The following RCAN2 variants were observed in gnomAD, a reference collection of about 807,000 sequenced individuals.
The protein encoded by RCAN2 is regulator of calcineurin 2.
In RCAN2, 9 loss-of-function variants were observed where a neutral mutation model predicts 23.6. The observed-to-expected ratio is 0.38, with a 90% CI of 0.23 to 0.67. The LOEUF (loss-of-function observed/expected upper bound fraction) is 0.67. RCAN2 is among the 30% of genes least tolerant of loss of function. The pLI is 0.51. For synonymous variants in RCAN2, 109 were observed against 115.7 expected, an observed-to-expected ratio of 0.94 and a Z score of 0.37; for missense variants, 273 against 302.3, an observed-to-expected ratio of 0.90 and a Z score of 0.72.
At chr6:46,389,337 A>G (rs1765860939) in intron 2 of RCAN2, among the ~76,000 whole-genome samples, 1 of 152,124 alleles carries the variant, frequency 6.6e-6, no homozygotes, top group African/African-American at 2.4e-5. Flanking sequence ...AGTTTTCTTT[A>G]CACTGTTTCC....
intron 2 of RCAN2, among the ~76,000 whole-genome samples, chr6:46,272,139 T>C (rs1276548538): frequency 7.2e-5 from 11 of 152,268 alleles, no homozygotes; most frequent in Admixed American, 7.2e-4. Flanking sequence ...CTCTGAAGCT[T>C]GTGCCCTTTT....
At chr6:46,228,536 CT>C (rs972909942) in intron 4 of RCAN2, among the ~76,000 whole-genome samples, 53 of 152,238 alleles carry the variant, frequency 3.5e-4, no homozygotes, top group African/African-American at 1.3e-3. Flanking sequence ...TAATGGCCTT[CT>C]TTGTATCTTT....
rs757253329 is a variant in RCAN2, at chr6:46,223,139, G to A, written c.*2C>T. 1 of 1,613,010 alleles carries A rather than the reference G, an allele frequency of 6.2e-7. No homozygotes were observed. ...GGCTATTATCGAGAAGGAGCAGGCA[G>A]CTCAGTTGGACACGGAGGGTGGCAG... On this transcript the variant is annotated 3_prime_UTR_variant, in exon 5 of 5. Coordinates refer to ENST00000371374, the MANE Select transcript of RCAN2 (RefSeq NM_001251974.2).
chr6:46,263,741 A>T (rs2584083), intron 2 of RCAN2, among the ~76,000 whole-genome samples: 2,021 of 151,834 alleles, frequency 0.013, 48 homozygotes, highest in African/African-American at 0.047. Flanking sequence ...CTAAAAAAAA[A>T]AAAAGGTATT....
At chr6:46,264,490 T>C (rs1767249535) in intron 2 of RCAN2, among the ~76,000 whole-genome samples, 1 of 152,234 alleles carries the variant, frequency 6.6e-6, no homozygotes, top group African/African-American at 2.4e-5. Flanking sequence ...CATCTCACCT[T>C]TTCTATTTGT....
chr6:46,229,571 A>G (rs984200904), intron 4 of RCAN2, among the ~76,000 whole-genome samples: 2 of 152,126 alleles, frequency 1.3e-5, no homozygotes, highest in African/African-American at 2.4e-5. Context: ...TGGCTACTGA[A>G]GCTTTTGTAT....
At chr6:46,319,376 C>A (rs948439110) in intron 2 of RCAN2, among the ~76,000 whole-genome samples, 10 of 152,100 alleles carry the variant, frequency 6.6e-5, no homozygotes, top group African/African-American at 2.4e-4. Flanking sequence ...AAATCTGTTT[C>A]TTTAGGAAAA....
chr6:46,430,626 G>A (rs1767169015), intron 2 of RCAN2, among the ~76,000 whole-genome samples: 1 of 152,212 alleles, frequency 6.6e-6, no homozygotes, highest in South Asian at 2.1e-4. Context: ...CCAATTTTAA[G>A]ATTTGCCTTC....
chr6:46,334,487 A>G (rs554411387), intron 2 of RCAN2, among the ~76,000 whole-genome samples: 3 of 152,238 alleles, frequency 2.0e-5, no homozygotes, highest in African/African-American at 7.2e-5. Context: ...CTAGGTCCCT[A>G]TAAAGGAGAG....
chr6:46,353,921 C>T (rs1441340411), intron 2 of RCAN2, among the ~76,000 whole-genome samples: 4 of 152,066 alleles, frequency 2.6e-5, no homozygotes, highest in Non-Finnish European at 5.9e-5. Flanking sequence ...CATTTTAAAA[C>T]CCATGGATTT....
intron 4 of RCAN2, among the ~76,000 whole-genome samples, chr6:46,241,506 C>T: frequency 6.6e-6 from 1 of 152,186 alleles, no homozygotes; most frequent in South Asian, 2.1e-4. Context: ...ATGAAATGTA[C>T]CGTAAAGAAT....
At chr6:46,452,495 A>T (rs956856906) in intron 2 of RCAN2, among the ~76,000 whole-genome samples, 1 of 152,220 alleles carries the variant, frequency 6.6e-6, no homozygotes, top group African/African-American at 2.4e-5. Flanking sequence ...ACTACTTGGC[A>T]CAATGCCAGT....
At chr6:46,270,586 A>G (rs1263680108) in intron 2 of RCAN2, among the ~76,000 whole-genome samples, 1 of 152,186 alleles carries the variant, frequency 6.6e-6, no homozygotes, top group African/African-American at 2.4e-5. Context: ...CCCTTATGCA[A>G]GCCCCTCCCT....
intron 2 of RCAN2, among the ~76,000 whole-genome samples, chr6:46,390,757 G>A (rs1360640919): frequency 5.9e-5 from 9 of 152,200 alleles, no homozygotes; most frequent in African/African-American, 1.9e-4. Flanking sequence ...GATTAAAGGT[G>A]AGTGATATTG....
chr6:46,261,034 A>G (rs1013556041), intron 2 of RCAN2, among the ~76,000 whole-genome samples: 1 of 152,166 alleles, frequency 6.6e-6, no homozygotes, highest in Non-Finnish European at 1.5e-5. Context: ...GCATTTCCTA[A>G]AAGCTGACAG....
Position 46,221,486 on chromosome 6 carries a change from T to TTTA in RCAN2, c.*1652_*1654dup, listed in dbSNP as rs1327879015. On this transcript the variant is annotated 3_prime_UTR_variant, in exon 5 of 5. Transcript: ENST00000371374. The stretch of plus-strand genomic sequence containing the variant: ...TATGCTTATTGTACACTCCTCAGAT[T>TTTA]TTATTTTTAAAAGGAGTTTTCATTT... 1 of 154,362 alleles carries TTTA rather than the reference T, an allele frequency of 6.5e-6. No individual in the cohort carries two copies. Among genetic ancestry groups the TTTA allele is most frequent in the Non-Finnish European group, 1.4e-5 (1 of 69,256 alleles). The allele number at this position is 154,362 out of a possible 1,614,324, so 9.6% of individuals were successfully genotyped here. A position where few individuals can be genotyped will look rare whatever the true frequency, so the allele number is the denominator to read the frequency against.
At chr6:46,299,745 C>A (rs1762842441) in intron 2 of RCAN2, among the ~76,000 whole-genome samples, 1 of 151,950 alleles carries the variant, frequency 6.6e-6, no homozygotes, top group South Asian at 2.1e-4. Context: ...ATACAACCTA[C>A]CCTCACTGGG....
intron 1 of RCAN2, among the ~76,000 whole-genome samples, chr6:46,462,735 A>T (rs981131241): frequency 3.3e-5 from 5 of 152,244 alleles, no homozygotes; most frequent in African/African-American, 9.6e-5. Context: ...ATGTTTATAC[A>T]TATGATTAAA....
At chr6:46,367,405 A>G (rs1346155480) in intron 2 of RCAN2, among the ~76,000 whole-genome samples, 1 of 152,166 alleles carries the variant, frequency 6.6e-6, no homozygotes, top group Non-Finnish European at 1.5e-5. Context: ...ATATCCAGTG[A>G]CGGCCTGAAG....
Sources: gnomAD v4.1 joint callset for allele counts (sites outside exome capture counted in the v4.1 genomes callset) on GRCh38, gnomAD v4.1.1 for gene constraint, MANE v1.5 for transcripts, NCBI Gene and HGNC (gene_info 2026-07-23, HGNC 2026-07-21) for gene names.